SNTG2: variants seen among roughly 807,000 people sequenced by gnomAD.
SNTG2 encodes the protein gamma-2-syntrophin.
In SNTG2, 74 loss-of-function variants were observed where a neutral mutation model predicts 70.9. The observed-to-expected ratio is 1.04, with a 90% CI of 0.86 to 1.27. The LOEUF (loss-of-function observed/expected upper bound fraction) is 1.27. Among genes scored for constraint, SNTG2 ranks in the 50% most tolerant of loss-of-function variants. The pLI, the probability that SNTG2 is intolerant of heterozygous loss-of-function variation, is 0.00. For synonymous variants in SNTG2, 278 were observed against 273.8 expected (o/e 1.02, Z -0.15); for missense variants, 717 against 690.7 (o/e 1.04, Z -0.43).
chr2:1,300,565 A>G (rs1249304756), intron 14 of SNTG2, among the ~76,000 whole-genome samples: 1 of 152,172 alleles, frequency 6.6e-6, no homozygotes, highest in African/African-American at 2.4e-5. Context: ...AGTCTATCCC[A>G]GAAGAGCTAC....
chr2:1,271,835 G>A (rs930269164), intron 14 of SNTG2, among the ~76,000 whole-genome samples: 50 of 152,100 alleles, frequency 3.3e-4, no homozygotes, highest in Admixed American at 1.6e-3. Flanking sequence ...TGGCTGATTG[G>A]CTTCTCATCA....
chr2:1,253,087 T>G (rs1677857906), intron 12 of SNTG2, among the ~76,000 whole-genome samples: 1 of 152,140 alleles, frequency 6.6e-6, no homozygotes, highest in Non-Finnish European at 1.5e-5. Context: ...AGACAGGTTG[T>G]TAATTACTCA....
intron 1 of SNTG2, among the ~76,000 whole-genome samples, chr2:1,016,095 A>G (rs1355846718): frequency 5.3e-5 from 8 of 152,200 alleles, no homozygotes; most frequent in African/African-American, 1.7e-4. Context: ...ATCTCCATCA[A>G]CATATCTAAA....
chr2:984,088 C>T (rs1451496673), intron 1 of SNTG2, among the ~76,000 whole-genome samples: 2 of 152,170 alleles, frequency 1.3e-5, no homozygotes, highest in Non-Finnish European at 2.9e-5. Context: ...GGCCAGGTGG[C>T]AGGAGCTCTG....
intron 1 of SNTG2, among the ~76,000 whole-genome samples, chr2:1,072,970 C>T (rs922496307): frequency 6.6e-6 from 1 of 152,160 alleles, no homozygotes; most frequent in African/African-American, 2.4e-5. Flanking sequence ...AGACGCAGAG[C>T]CTGCAGATGT....
At chr2:1,264,287 G>T (rs1678607042) in intron 13 of SNTG2, among the ~76,000 whole-genome samples, 1 of 152,200 alleles carries the variant, frequency 6.6e-6, no homozygotes, top group Non-Finnish European at 1.5e-5. Context: ...CCTGCCCATG[G>T]TTAACTGGAG....
At chr2:1,135,643 A>T (rs1306551072) in intron 4 of SNTG2, among the ~76,000 whole-genome samples, 2 of 152,060 alleles carry the variant, frequency 1.3e-5, no homozygotes, top group Non-Finnish European at 2.9e-5. Flanking sequence ...AATCGCTTGA[A>T]CCCAGGAGGC....
chr2:1,117,818 G>A (rs1452491499), intron 4 of SNTG2, among the ~76,000 whole-genome samples: 3 of 152,234 alleles, frequency 2.0e-5, no homozygotes, highest in Non-Finnish European at 2.9e-5. Flanking sequence ...GCCTCACAGG[G>A]CCTGGGCCAC....
At position 1,207,484 on chromosome 2, in the gene SNTG2, C is replaced by A. The variant is rs144435220; in HGVS notation, c.592-1619C>A. On this transcript the variant is annotated intron_variant, in intron 8 of 16. Transcript: ENST00000308624. Reference sequence around the variant, plus strand: ...CCGCCTCTTCTGTATGACGCTCCAACCTCCCTCAGTGTCCATTCCCCCATC... The same window carrying A: ...CCGCCTCTTCTGTATGACGCTCCAAACTCCCTCAGTGTCCATTCCCCCATC... 1.6e-3 allele frequency among the ~76,000 whole-genome samples: 239 copies of A among 152,330 alleles called. 1 individual carries two copies. The highest frequency in any genetic ancestry group is 5.5e-3 in the African/African-American group (229 of 41,586).
chr2:1,143,886 C>CCT (rs1319461816), intron 6 of SNTG2, among the ~76,000 whole-genome samples: 1 of 83,740 alleles, frequency 1.2e-5, no homozygotes, highest in African/African-American at 5.9e-5. Context: ...CAACAAACAA[C>CCT]CCCCCCCCAG....
intron 2 of SNTG2, among the ~76,000 whole-genome samples, chr2:1,093,391 A>T (rs1665163690): frequency 6.6e-6 from 1 of 152,218 alleles, no homozygotes; most frequent in African/African-American, 2.4e-5. Context: ...GTCATAAAAT[A>T]ATTAGGATGC....
At chr2:1,222,225 A>G (rs1675284587) in intron 9 of SNTG2, among the ~76,000 whole-genome samples, 1 of 151,462 alleles carries the variant, frequency 6.6e-6, no homozygotes, top group Non-Finnish European at 1.5e-5. Context: ...TTCACCTCTG[A>G]GGATTATTCG....
chr2:1,151,578 C>A (rs1366244038), intron 6 of SNTG2, among the ~76,000 whole-genome samples: 1 of 152,192 alleles, frequency 6.6e-6, no homozygotes, highest in Non-Finnish European at 1.5e-5. Context: ...CTTGTGACCT[C>A]TGCATGTTTC....
chr2:1,255,666 A>G (rs1260112826), intron 12 of SNTG2, among the ~76,000 whole-genome samples: 2 of 151,810 alleles, frequency 1.3e-5, no homozygotes, highest in African/African-American at 4.8e-5. Flanking sequence ...GGCATGGCAC[A>G]AACACACTAG....
intron 16 of SNTG2, among the ~76,000 whole-genome samples, chr2:1,351,441 G>C (rs192602876): frequency 3.5e-4 from 53 of 152,132 alleles, no homozygotes; most frequent in Admixed American, 3.3e-3. Context: ...GGAACACCAA[G>C]GAAAGTATCC....
chr2:991,016 A>T (rs2147977737), intron 1 of SNTG2, among the ~76,000 whole-genome samples: 1 of 152,122 alleles, frequency 6.6e-6, no homozygotes, highest in East Asian at 1.9e-4. Context: ...TCAATCTCCC[A>T]TTTACTTGTT....
At chr2:1,008,214 A>G (rs1157513339) in intron 1 of SNTG2, among the ~76,000 whole-genome samples, 2 of 152,082 alleles carry the variant, frequency 1.3e-5, no homozygotes, top group African/African-American at 4.8e-5. Flanking sequence ...AAAGTAGTTG[A>G]TCTGTGTTTC....
intron 4 of SNTG2, among the ~76,000 whole-genome samples, chr2:1,129,739 G>C (rs1414218736): frequency 2.6e-5 from 4 of 152,184 alleles, no homozygotes; most frequent in Non-Finnish European, 5.9e-5. Context: ...ATGGTGTTGA[G>C]TAGGGCTTGG....
chr2:1,325,414 T>C (rs552389207), intron 16 of SNTG2, among the ~76,000 whole-genome samples: 1 of 152,304 alleles, frequency 6.6e-6, no homozygotes, highest in African/African-American at 2.4e-5. Context: ...TGATCAGCAA[T>C]GTTTCAAACA....
Sources: allele counts gnomAD v4.1 joint callset (sites outside exome capture counted in the v4.1 genomes callset), GRCh38; gene constraint gnomAD v4.1.1; transcripts MANE v1.5; gene names NCBI Gene and HGNC (gene_info 2026-07-23, HGNC 2026-07-21).